SAMD8: variants seen among roughly 807,000 people sequenced by gnomAD.
SAMD8 encodes the protein sterile alpha motif domain containing 8.
In SAMD8, 20 loss-of-function variants were observed where a neutral mutation model predicts 42.0. The ratio of observed to expected loss-of-function variants is 0.48; its 90% CI spans 0.34 to 0.69. The LOEUF (loss-of-function observed/expected upper bound fraction) is 0.69, where lower values mean the gene tolerates loss of function less well. Ranked by LOEUF, SAMD8 falls within the 30% of genes least tolerant of loss-of-function variation. The pLI is 0.01. For missense variants in SAMD8, 328 were observed against 511.6 expected, an observed-to-expected ratio of 0.64 and a Z score of 3.46; for synonymous variants, 162 against 173.0, an observed-to-expected ratio of 0.94 and a Z score of 0.50.
At chr10:75,122,612 CAAAA>C (rs59709760) in intron 1 of SAMD8, among the ~76,000 whole-genome samples, 1 of 115,964 alleles carries the variant, frequency 8.6e-6, no homozygotes, top group Admixed American at 9.1e-5. Flanking sequence ...GACTCTGTCT[CAAAA>C]AAAAAAAAAA....
intron 1 of SAMD8, among the ~76,000 whole-genome samples, chr10:75,148,775 A>G (rs1840210908): frequency 6.6e-6 from 1 of 152,228 alleles, no homozygotes; most frequent in African/African-American, 2.4e-5. Context: ...TGGGAAAAGG[A>G]AGAGGATGCT....
At chr10:75,104,060 A>C in intron 1 of SAMD8, 1 of 1,361,510 alleles carries the variant, frequency 7.3e-7, no homozygotes. Flanking sequence ...CAGGGTGGCA[A>C]AGTGGCAGAG....
chr10:75,128,864 A>G (rs1351441751), intron 1 of SAMD8, among the ~76,000 whole-genome samples: 7 of 152,196 alleles, frequency 4.6e-5, no homozygotes, highest in Non-Finnish European at 7.3e-5. Context: ...TTTGTATTGC[A>G]TTATTAATAC....
intron 1 of SAMD8, among the ~76,000 whole-genome samples, chr10:75,145,212 A>C (rs902989178): frequency 6.6e-6 from 1 of 152,070 alleles, no homozygotes; most frequent in South Asian, 2.1e-4. Flanking sequence ...CCCAAAGTGC[A>C]GGGATTACAG....
Position 75,111,668 on chromosome 10 carries a change from C to T in SAMD8, c.-70C>T. On this transcript the variant is annotated 5_prime_UTR_variant, in exon 1 of 6. Coordinates refer to ENST00000542569, the MANE Select transcript of SAMD8 (RefSeq NM_001174156.2). ...CGGGGAGGGCCCCGGACTCCGACGG[C>T]GGCTCGGACGCCGACTCGGAGGTGG... 1 of 1,239,542 alleles carries T rather than the reference C, an allele frequency of 8.1e-7. No individual in the cohort carries two copies. Among genetic ancestry groups the T allele is most frequent in the Non-Finnish European group, 1.0e-6 (1 of 992,026 alleles). The allele number at this position is 1,239,542 out of a possible 1,614,324, so 76.8% of individuals were successfully genotyped here.
chr10:75,148,633 G>T (rs1005714207), intron 1 of SAMD8, among the ~76,000 whole-genome samples: 1 of 152,148 alleles, frequency 6.6e-6, no homozygotes, highest in Admixed American at 6.5e-5. Flanking sequence ...GATTACAGGC[G>T]TGAGCCACCG....
chr10:75,102,882 G>A (rs755752416), intron 1 of SAMD8, among the ~76,000 whole-genome samples: 3 of 152,168 alleles, frequency 2.0e-5, no homozygotes, highest in Admixed American at 6.5e-5. Context: ...AACCCGGGAG[G>A]TGGGGGTTGT....
intron 1 of SAMD8, among the ~76,000 whole-genome samples, chr10:75,146,269 A>C (rs1047481607): frequency 2.4e-5 from 3 of 122,678 alleles, no homozygotes; most frequent in African/African-American, 6.2e-5. Flanking sequence ...CAGTGTCTTG[A>C]CACTTTTTTT....
At chr10:75,141,432 A>G (rs922581996) in intron 1 of SAMD8, among the ~76,000 whole-genome samples, 7 of 151,782 alleles carry the variant, frequency 4.6e-5, no homozygotes, top group African/African-American at 1.5e-4. Flanking sequence ...AAACTGACTT[A>G]TTCTAGTAAC....
intron 1 of SAMD8, among the ~76,000 whole-genome samples, chr10:75,136,983 T>C (rs183708274): frequency 1.3e-5 from 2 of 152,274 alleles, no homozygotes; most frequent in East Asian, 3.9e-4. Flanking sequence ...CTAGTAGGAA[T>C]GTAAAATGGT....
chr10:75,115,253 A>G (rs1459790316), intron 1 of SAMD8, among the ~76,000 whole-genome samples: 1 of 152,194 alleles, frequency 6.6e-6, no homozygotes, highest in Non-Finnish European at 1.5e-5. Context: ...CTCTAAGGGT[A>G]TGATGTAACA....
At chr10:75,127,187 C>A (rs377681474) in intron 1 of SAMD8, among the ~76,000 whole-genome samples, 1,485 of 116,198 alleles carry the variant, frequency 0.013, no homozygotes, top group Middle Eastern at 0.024. Context: ...GACTCTGTCT[C>A]AAAAAAAAAA....
chr10:75,104,086 T>G (rs1589908427), intron 1 of SAMD8: 1 of 1,353,108 alleles, frequency 7.4e-7, no homozygotes, highest in Non-Finnish European at 9.8e-7. Context: ...TGGCAGGGAG[T>G]AAGGACCAGC....
At chr10:75,104,007 C>A in intron 1 of SAMD8, 1 of 1,357,748 alleles carries the variant, frequency 7.4e-7, no homozygotes, top group Non-Finnish European at 9.8e-7. Flanking sequence ...TTCTGTGTGT[C>A]CGCCTGGGCC....
At chr10:75,123,337 G>C in intron 1 of SAMD8, among the ~76,000 whole-genome samples, 1 of 152,158 alleles carries the variant, frequency 6.6e-6, no homozygotes, top group South Asian at 2.1e-4. Flanking sequence ...CCTCGGCAAG[G>C]AGCAGGAGGG....
At chr10:75,147,539 G>C (rs989256230) in intron 1 of SAMD8, among the ~76,000 whole-genome samples, 1 of 152,008 alleles carries the variant, frequency 6.6e-6, no homozygotes, top group East Asian at 1.9e-4. Flanking sequence ...TCTTGGCCAG[G>C]TTGGTCTTGA....
intron 1 of SAMD8, among the ~76,000 whole-genome samples, chr10:75,120,261 T>TTTTTA (rs1252873210): frequency 1.3e-5 from 2 of 152,122 alleles, no homozygotes; most frequent in African/African-American, 4.8e-5. Context: ...ACTGACATAC[T>TTTTTA]TTTTATTTTA....
At chr10:75,121,990 C>T (rs138210579) in intron 1 of SAMD8, among the ~76,000 whole-genome samples, 1 of 152,256 alleles carries the variant, frequency 6.6e-6, no homozygotes, top group Admixed American at 6.5e-5. Flanking sequence ...CCATGCCCAG[C>T]GACTTTCTTA....
intron 1 of SAMD8, chr10:75,105,694 T>G: frequency 1.3e-6 from 2 of 1,550,492 alleles, no homozygotes; most frequent in Non-Finnish European, 1.7e-6. Flanking sequence ...ACCCCGCAGT[T>G]GCTGGTCCAG....
Sources: gnomAD v4.1 joint callset for allele counts (sites outside exome capture counted in the v4.1 genomes callset) on GRCh38, gnomAD v4.1.1 for gene constraint, MANE v1.5 for transcripts, NCBI Gene and HGNC (gene_info 2026-07-23, HGNC 2026-07-21) for gene names.